The following KIF1B variants were observed in gnomAD, a reference collection of about 807,000 sequenced individuals.
KIF1B encodes kinesin-like protein KIF1B.
KIF1B carries 76 observed loss-of-function variants against 241.9 expected under a neutral mutation model. That is an observed-to-expected ratio of 0.31 (90% CI 0.26 to 0.38). The LOEUF (loss-of-function observed/expected upper bound fraction) is 0.38, where lower values mean the gene tolerates loss of function less well. KIF1B is among the 10% of genes least tolerant of loss of function. The pLI, the probability that KIF1B is intolerant of heterozygous loss-of-function variation, is 1.00. For synonymous variants in KIF1B, 750 were observed against 796.7 expected (o/e 0.94, Z 0.99); for missense variants, 1,622 against 2,271.4 (o/e 0.71, Z 5.81).
intron 15 of KIF1B, among the ~76,000 whole-genome samples, chr1:10,287,901 C>T (rs1255236206): frequency 6.6e-6 from 1 of 152,100 alleles, no homozygotes; most frequent in African/African-American, 2.4e-5. Flanking sequence ...ATTCCATAAT[C>T]AACAGTGGTT....
At chr1:10,375,642 C>T (rs1364970722) in intron 48 of KIF1B, among the ~76,000 whole-genome samples, 3 of 152,016 alleles carry the variant, frequency 2.0e-5, no homozygotes, top group African/African-American at 7.2e-5. Flanking sequence ...ACCTCAGCCT[C>T]CCAAAGTGCT....
At chr1:10,319,133 C>T (rs1467662598) in intron 22 of KIF1B, among the ~76,000 whole-genome samples, 2 of 144,678 alleles carry the variant, frequency 1.4e-5, no homozygotes, top group African/African-American at 2.6e-5. Flanking sequence ...GACAGAGTCT[C>T]GCTCTGTCTC....
chr1:10,379,580 T>G lies in KIF1B; in HGVS notation c.*2993T>G, dbSNP rs1405584837. The G allele has an allele frequency of 4.3e-6, 1 of 231,426 alleles. No individual in the cohort carries two copies. The highest frequency in any genetic ancestry group is 2.2e-5 in the African/African-American group (1 of 45,206). 14.3% of individuals were successfully genotyped at this position (231,426 alleles called of 1,614,324 possible). ...GTTGTGGCGGGAAAGTTAAGAAACA[T>G]AGCCCTTAAGGAAACCACCTTTATG... On this transcript the variant is annotated 3_prime_UTR_variant, in exon 49 of 49. Transcript: ENST00000676179.
chr1:10,252,649 C>A (rs969499915), intron 2 of KIF1B, among the ~76,000 whole-genome samples: 1 of 151,266 alleles, frequency 6.6e-6, no homozygotes, highest in South Asian at 2.1e-4. Flanking sequence ...TGTACTCCAG[C>A]GATCCTCCTG....
At position 10,339,897 on chromosome 1, in the gene KIF1B, T is replaced by C. The variant is rs76786233; in HGVS notation, c.3513+38T>C. On this transcript the variant is annotated intron_variant, in intron 32 of 48. Coordinates refer to ENST00000676179, the MANE Select transcript of KIF1B (RefSeq NM_001365951.3). ...GACCTTTTTGCCAAACATATGTTTT[T>C]CTGGTACCTTGGCTTTCTCAGCCCG... The C allele has an allele frequency of 3.7e-3, 5,782 of 1,550,876 alleles. 130 individuals are homozygous for C. In the African/African-American group the frequency reaches 0.058, roughly 16 times the overall value.
chr1:10,365,885 C>A lies in KIF1B; in HGVS notation c.4752+237C>A, dbSNP rs1638558179. Among the ~76,000 whole-genome samples, 1 of 152,110 alleles carries A rather than the reference C, an allele frequency of 6.6e-6. No homozygotes were observed. The highest frequency in any genetic ancestry group is 2.1e-4 in the South Asian group (1 of 4,830). On this transcript the variant is annotated intron_variant, in intron 43 of 48. Transcript: ENST00000676179. This position sits in a 1 kb window ranked among gnomAD's most constrained non-coding sequence, Gnocchi z 4.0. ...GCTGAAGCAAAGGGATTGCTTGAGC[C>A]CAGGAGTTAAAGACAAGCCCAGGCT... is the stretch of plus-strand genomic sequence containing the variant.
At position 10,296,958 on chromosome 1, in the gene KIF1B, A is replaced by G; in HGVS notation, c.1923A>G (p.Arg641=). Residue 641 remains arginine (R), a synonymous_variant, in exon 21 of 49, where the codon CGA becomes CGG. Transcript: ENST00000676179. Reference sequence around the variant, plus strand: ...GCTTTAACCACCCGGAACAAGCACGAGCTGAGCGAGAGAAGACTCCTTCTG... The same window carrying G: ...GCTTTAACCACCCGGAACAAGCACGGGCTGAGCGAGAGAAGACTCCTTCTG... The part of the protein sequence containing the change: ...VFRFNHPEQA[R]AEREKTPSAE... 1 of 1,614,134 alleles carries G rather than the reference A, an allele frequency of 6.2e-7. No individual in the cohort carries two copies. Among genetic ancestry groups the G allele is most frequent in the Non-Finnish European group, 8.5e-7 (1 of 1,180,008 alleles).
At chr1:10,250,220 T>C (rs1402450145) in intron 2 of KIF1B, among the ~76,000 whole-genome samples, 1 of 152,220 alleles carries the variant, frequency 6.6e-6, no homozygotes, top group African/African-American at 2.4e-5. Context: ...AAAATTAACG[T>C]ATGTGTAAGT....
chr1:10,241,857 T>C (rs1044596435), intron 2 of KIF1B, among the ~76,000 whole-genome samples: 2 of 152,200 alleles, frequency 1.3e-5, no homozygotes, highest in Non-Finnish European at 2.9e-5. Flanking sequence ...GGTAGTTGCC[T>C]AGTGAAGTGC....
At chr1:10,296,545 T>C in intron 19 of KIF1B, 37 bp from the exon 20 acceptor site, 1 of 1,517,732 alleles carries the variant, frequency 6.6e-7, no homozygotes, top group Non-Finnish European at 9.1e-7. Flanking sequence ...TCCAATAGTT[T>C]GTAATGATAA....
chr1:10,300,236 C>CT (rs775546497), intron 22 of KIF1B, among the ~76,000 whole-genome samples: 5,069 of 91,240 alleles, frequency 0.056, 108 homozygotes, highest in Middle Eastern at 0.19. Flanking sequence ...GACTCAGTGT[C>CT]AAATAATAAT....
intron 27 of KIF1B, among the ~76,000 whole-genome samples, chr1:10,332,763 C>T (rs749244696): frequency 3.3e-5 from 5 of 151,500 alleles, no homozygotes; most frequent in Non-Finnish European, 4.4e-5. Flanking sequence ...GATCGGCCCG[C>T]CTCGGCCTCC....
chr1:10,324,813 A>G lies in KIF1B; in HGVS notation c.2593A>G (p.Ser865Gly). ...MYDRAGEMAS[S>G]AQDESETTVT... Reference sequence around the variant, plus strand: ...TGATAGGGCAGGGGAGATGGCCTCCAGTGCCCAAGACGAAAGCGAAACCAC... The same window carrying G: ...TGATAGGGCAGGGGAGATGGCCTCCGGTGCCCAAGACGAAAGCGAAACCAC... Residue 865 changes from serine (S) to glycine (G), a missense_variant, in exon 26 of 49, where the codon AGT (serine) becomes GGT (glycine). Around this residue, in one of 7 missense-constraint regions of KIF1B, gnomAD observed 803 missense variants for 1,112.0 expected, o/e 0.72. Transcript: ENST00000676179. 2 of 1,614,068 alleles carry G rather than the reference A, an allele frequency of 1.2e-6. No individual in the cohort carries two copies. Among genetic ancestry groups the G allele is most frequent in the Non-Finnish European group, 1.7e-6 (2 of 1,179,922 alleles).
At chr1:10,334,239 T>G (rs556865499) in intron 27 of KIF1B, among the ~76,000 whole-genome samples, 1 of 151,384 alleles carries the variant, frequency 6.6e-6, no homozygotes, top group South Asian at 2.1e-4. Flanking sequence ...ATCTTGAAAG[T>G]CTGCTTCCAG....
chr1:10,363,574 T>C (rs548530109), intron 41 of KIF1B, among the ~76,000 whole-genome samples: 8 of 152,130 alleles, frequency 5.3e-5, no homozygotes, highest in Non-Finnish European at 1.2e-4. Context: ...GTGCCTGTAA[T>C]CCCAGCTACT....
Position 10,319,365 on chromosome 1 carries a change from T to A in KIF1B, c.2116-678T>A, listed in dbSNP as rs554740342. 7.9e-5 allele frequency among the ~76,000 whole-genome samples: 12 copies of A among 152,316 alleles called. No homozygotes were observed. In the East Asian group the frequency reaches 2.1e-3, roughly 27 times the overall value. On this transcript the variant is annotated intron_variant, in intron 22 of 48. Coordinates refer to ENST00000676179, the MANE Select transcript of KIF1B (RefSeq NM_001365951.3). The stretch of plus-strand genomic sequence containing the variant: ...GATCACCCACCTCGGCCTCCCAAAG[T>A]GCTGGGATTACAGGTGTGAGCCACT...
rs758814481 is a variant in KIF1B, at chr1:10,337,100, T to C, written c.3156T>C (p.Thr1052=). 5.0e-6 allele frequency: 8 copies of C among 1,614,176 alleles called. No individual in the cohort carries two copies. The highest frequency in any genetic ancestry group is 6.8e-6 in the Non-Finnish European group (8 of 1,180,034). ...NQSDFSSVAM[T]RSGLSLEELR... ...GTGACTTTTCGTCTGTTGCAATGAC[T>C]CGTTCTGGTCTGTCCTTGGAGGAGT... Residue 1052 remains threonine, a synonymous_variant, in exon 30 of 49, where the codon ACT becomes ACC. Coordinates refer to ENST00000676179, the MANE Select transcript of KIF1B (RefSeq NM_001365951.3). This position sits in a 1 kb window ranked among gnomAD's most constrained non-coding sequence, Gnocchi z 4.0.
chr1:10,298,406 A>G (rs1281978948), intron 22 of KIF1B, among the ~76,000 whole-genome samples: 1 of 152,260 alleles, frequency 6.6e-6, no homozygotes, highest in Non-Finnish European at 1.5e-5. Context: ...AGGCATGGGC[A>G]TGGATTAAAC....
intron 37 of KIF1B, among the ~76,000 whole-genome samples, chr1:10,351,168 A>C (rs1652780226): frequency 6.6e-6 from 1 of 151,608 alleles, no homozygotes; most frequent in South Asian, 2.1e-4. Flanking sequence ...TTTCATAATA[A>C]ATTTTTCTTT....
Sources: gnomAD v4.1 joint callset for allele counts (sites outside exome capture counted in the v4.1 genomes callset) on GRCh38, gnomAD v4.1.1 for gene constraint, gnomAD v4.1.1 regional missense constraint, Gnocchi (gnomAD v3.1) non-coding constraint, MANE v1.5 for transcripts, NCBI Gene and HGNC (gene_info 2026-07-23, HGNC 2026-07-21) for gene names.